Variants in CACNA1A observed in about 807,000 individuals in gnomAD.
CACNA1A encodes the protein voltage-dependent P/Q-type calcium channel subunit alpha-1A.
CACNA1A carries 57 observed loss-of-function variants against 262.4 expected under a neutral mutation model. That is an observed-to-expected ratio of 0.22 (90% CI 0.18 to 0.27). CACNA1A has a LOEUF of 0.27. CACNA1A is among the 10% of genes least tolerant of loss of function. The probability of loss-of-function intolerance (pLI) is 1.00; values close to 1 mark genes in which losing one functional copy is unlikely to be tolerated. For synonymous variants in CACNA1A, 1,431 were observed against 1,419.3 expected (o/e 1.01, Z -0.18); for missense variants, 2,526 against 3,562.8 (o/e 0.71, Z 7.41).
chr19:13,427,850 G>A (rs1444360849), intron 3 of CACNA1A, among the ~76,000 whole-genome samples: 3 of 152,160 alleles, frequency 2.0e-5, no homozygotes, highest in African/African-American at 7.2e-5. Context: ...CTGAATCCCA[G>A]CTCTACCACT....
intron 27 of CACNA1A, chr19:13,258,210 AC>A (rs1349544996): frequency 6.6e-6 from 1 of 152,224 alleles, no homozygotes; most frequent in Non-Finnish European, 1.5e-5. Context: ...GCTGAAGACC[AC>A]CCACTTATAA....
Position 13,352,006 on chromosome 19 carries a change from G to C in CACNA1A, c.978+7600C>G, listed in dbSNP as rs184103124. 5.3e-5 allele frequency among the ~76,000 whole-genome samples: 8 copies of C among 152,242 alleles called. No homozygotes were observed. In the East Asian group the frequency reaches 1.2e-3, roughly 22 times the overall value. ...TTATTTTAGTGTGACTCTCTCGACA[G>C]ATTATGTAAGATAAGGACACCTAGG... On this transcript the variant is annotated intron_variant, in intron 6 of 46. Transcript: ENST00000360228.
intron 15 of CACNA1A, 82 bp from the exon 16 acceptor site, chr19:13,303,966 C>T (rs1010302671): frequency 1.0e-5 from 10 of 991,074 alleles, no homozygotes; most frequent in Middle Eastern, 3.1e-4. Context: ...AGCCGGAATC[C>T]GCCCACCCCA....
At chr19:13,440,564 T>C (rs992461798) in intron 3 of CACNA1A, among the ~76,000 whole-genome samples, 1 of 152,230 alleles carries the variant, frequency 6.6e-6, no homozygotes, top group African/African-American at 2.4e-5. Flanking sequence ...TGAGCACTTA[T>C]TCTGTGCCAG....
At chr19:13,389,611 C>G (rs754189059) in intron 3 of CACNA1A, among the ~76,000 whole-genome samples, 6 of 152,104 alleles carry the variant, frequency 3.9e-5, no homozygotes, top group African/African-American at 4.8e-5. Flanking sequence ...TACAGAGATA[C>G]TGCTTTCATT....
chr19:13,301,707 T>C (rs1166139356), intron 17 of CACNA1A, among the ~76,000 whole-genome samples: 1 of 152,082 alleles, frequency 6.6e-6, no homozygotes, highest in Non-Finnish European at 1.5e-5. Context: ...GAGAAAGAAA[T>C]GGCCAGAAAT....
chr19:13,301,450 T>C lies in CACNA1A; in HGVS notation c.2173-794A>G, dbSNP rs138276404. 3.9e-3 allele frequency among the ~76,000 whole-genome samples: 587 copies of C among 152,312 alleles called. 11 individuals carry two copies. Among genetic ancestry groups the C allele is most frequent in the East Asian group, 0.033 (173 of 5,184 alleles). The stretch of plus-strand genomic sequence containing the variant: ...GAAGGAGAATGAGGAGAGGAATTTA[T>C]ATTCCCAGCCCCCATGACAGGAAGG... On this transcript the variant is annotated intron_variant, in intron 17 of 46. Transcript: ENST00000360228.
intron 3 of CACNA1A, among the ~76,000 whole-genome samples, chr19:13,420,745 C>A (rs552771665): frequency 3.3e-5 from 5 of 152,148 alleles, no homozygotes; most frequent in Admixed American, 3.3e-4. Flanking sequence ...CCCTAGAAAG[C>A]CAATATAGGG....
chr19:13,460,278 C>T (rs1252471379), intron 1 of CACNA1A, among the ~76,000 whole-genome samples: 2 of 152,128 alleles, frequency 1.3e-5, no homozygotes, highest in African/African-American at 2.4e-5. Flanking sequence ...GTGCTAAGTG[C>T]CTCTATTTCA....
chr19:13,268,893 CTT>C (rs3050832), intron 24 of CACNA1A, among the ~76,000 whole-genome samples: 5 of 107,938 alleles, frequency 4.6e-5, no homozygotes, highest in Middle Eastern at 6.4e-3. Flanking sequence ...ATAGATTCTA[CTT>C]TTTTTTTTTT....
At chr19:13,334,318 C>G in intron 8 of CACNA1A, 60 bp downstream of exon 8, 2 of 931,026 alleles carry the variant, frequency 2.1e-6, no homozygotes, top group Non-Finnish European at 3.6e-6. Flanking sequence ...CTGCATGACT[C>G]TCTTTGTACT....
At chr19:13,218,980 C>T (rs191494011) in intron 38 of CACNA1A, among the ~76,000 whole-genome samples, 6 of 148,816 alleles carry the variant, frequency 4.0e-5, no homozygotes, top group Admixed American at 2.7e-4. Flanking sequence ...GTGATCTGCC[C>T]GCCTTGCCCT....
rs2055619014 is a variant in CACNA1A, at chr19:13,230,322, A to C, written c.5401-113T>G. The C allele has an allele frequency of 3.6e-6, 4 of 1,104,868 alleles. No homozygotes were observed. The South Asian group carries it at 6.0e-5, about 16-fold the overall frequency. The allele number at this position is 1,104,868 out of a possible 1,614,324, so 68.4% of individuals were successfully genotyped here. ...GACAGACAGACCCAAAGACATGTACACAGAGGCCCAGATGGAGAGAGGGAT... is the reference window on the plus strand; with the variant it reads ...GACAGACAGACCCAAAGACATGTACCCAGAGGCCCAGATGGAGAGAGGGAT... On this transcript the variant is annotated intron_variant, in intron 35 of 46. Transcript: ENST00000360228.
rs1311890494 is a variant in CACNA1A, at chr19:13,427,942, G to GTT, written c.539+24932_539+24933dup. ...ATAGGTAAAATGTGGATAATAACAG[G>GTT]TTGTTTTTTTTTGTGTGTGTGACAG... On this transcript the variant is annotated intron_variant, in intron 3 of 46. Transcript: ENST00000360228. 3.0e-3 allele frequency among the ~76,000 whole-genome samples: 447 copies of GTT among 150,992 alleles called. 3 individuals carry two copies. Among genetic ancestry groups the GTT allele is most frequent in the African/African-American group, 0.01 (413 of 40,506 alleles).
intron 15 of CACNA1A, among the ~76,000 whole-genome samples, chr19:13,305,159 C>T (rs1170732115): frequency 6.6e-6 from 1 of 152,112 alleles, no homozygotes; most frequent in Non-Finnish European, 1.5e-5. Context: ...AGCGAGTTTC[C>T]ACTGTAGGTA....
rs142846151 is a variant in CACNA1A, at chr19:13,398,375, T to C, written c.540-26596A>G. Among the ~76,000 whole-genome samples, 622 of 152,332 alleles carry C rather than the reference T, an allele frequency of 4.1e-3. 1 individual carries two copies. Among genetic ancestry groups the C allele is most frequent in the Non-Finnish European group, 7.3e-3 (499 of 68,024 alleles). ...GGATTCTTTGTTACAGCTGCAAGCATATCTAATACACTTAATAGGAACTTA... is the reference window on the plus strand; with the variant it reads ...GGATTCTTTGTTACAGCTGCAAGCACATCTAATACACTTAATAGGAACTTA... On this transcript the variant is annotated intron_variant, in intron 3 of 46. Coordinates refer to ENST00000360228, the MANE Select transcript of CACNA1A (RefSeq NM_001127222.2).
rs201647627 is a variant in CACNA1A, at chr19:13,286,691, C to T, written c.3365G>A (p.Arg1122His). The T allele has an allele frequency of 1.2e-4, 183 of 1,573,504 alleles. 1 individual carries two copies. In the East Asian group the frequency reaches 3.2e-3, roughly 27 times the overall value. Residue 1122 changes from arginine (R) to histidine (H), a missense_variant, in exon 20 of 47, where the codon CGC becomes CAC. This residue lies in a region of CACNA1A where 765 missense variants were observed against 748.6 expected (regional missense o/e 1.02). Transcript: ENST00000360228. ...MATNPQNAAS[R>H]RTPNNPGNPS... The stretch of plus-strand genomic sequence containing the variant: ...GTTCCCCGGGTTGTTGGGCGTCCGG[C>T]GGCTGGCGGCGTTCTGGGGGTTGGT...
intron 3 of CACNA1A, among the ~76,000 whole-genome samples, chr19:13,421,724 T>C (rs1459438202): frequency 6.6e-6 from 1 of 152,066 alleles, no homozygotes; most frequent in Non-Finnish European, 1.5e-5. Context: ...AGACACCAAA[T>C]CTGTCAGTGC....
At position 13,212,658 on chromosome 19, in the gene CACNA1A, G is replaced by A; in HGVS notation, c.6023C>T (p.Ser2008Phe). 1.3e-6 allele frequency: 2 copies of A among 1,517,012 alleles called. No homozygotes were observed. The highest frequency in any genetic ancestry group is 1.4e-5 in the African/African-American group (1 of 72,218). 94.0% of individuals were successfully genotyped at this position (1,517,012 alleles called of 1,614,324 possible). The change falls in exon 41 of 47, where the codon TCC becomes TTC. Residue 2008 changes from serine to phenylalanine, a missense_variant. Around this residue, in one of 17 missense-constraint regions of CACNA1A, gnomAD observed 929 missense variants for 868.1 expected, o/e 1.07. Transcript: ENST00000360228. This position sits in a 1 kb window ranked among gnomAD's most constrained non-coding sequence, Gnocchi z 5.6. ...EGGPGQNALP[S>F]TQLDPGGALM... ...GGCTCCTCCTGGGTCCAGCTGGGTGGAGGGGAGGGCGTTCTGGCCAGGTCC... is the reference window on the plus strand; with the variant it reads ...GGCTCCTCCTGGGTCCAGCTGGGTGAAGGGGAGGGCGTTCTGGCCAGGTCC...
Sources: gnomAD v4.1 joint callset for allele counts (sites outside exome capture counted in the v4.1 genomes callset) on GRCh38, gnomAD v4.1.1 for gene constraint, gnomAD v4.1.1 regional missense constraint, Gnocchi (gnomAD v3.1) non-coding constraint, MANE v1.5 for transcripts, NCBI Gene and HGNC (gene_info 2026-07-23, HGNC 2026-07-21) for gene names.